Variants in ETFDH observed in about 807,000 individuals in gnomAD.
The protein encoded by ETFDH is electron transfer flavoprotein dehydrogenase, also known as electron transfer flavoprotein-ubiquinone oxidoreductase, mitochondrial.
Under a neutral mutation model 73.2 loss-of-function variants are expected in ETFDH, and 61 were observed. The ratio of observed to expected loss-of-function variants is 0.83; its 90% CI spans 0.68 to 1.03. ETFDH has a LOEUF of 1.03. Ranked by LOEUF, ETFDH falls within the 50% of genes least tolerant of loss-of-function variation. The pLI is 0.00. For synonymous variants in ETFDH, 243 were observed against 253.3 expected, an observed-to-expected ratio of 0.96 and a Z score of 0.39; for missense variants, 685 against 745.0, an observed-to-expected ratio of 0.92 and a Z score of 0.94.
chr4:158,705,440 T>C (rs1228810332), intron 10 of ETFDH, among the ~76,000 whole-genome samples: 1 of 152,216 alleles, frequency 6.6e-6, no homozygotes, highest in African/African-American at 2.4e-5. Context: ...TCTTAACTAA[T>C]TATATCTACA....
intron 5 of ETFDH, among the ~76,000 whole-genome samples, chr4:158,689,786 C>T (rs1774115861): frequency 6.6e-6 from 1 of 151,544 alleles, no homozygotes; most frequent in Non-Finnish European, 1.5e-5. Context: ...AAAACAGAAA[C>T]CAAGGGTTAC....
At chr4:158,707,185 G>C (rs903202556) in intron 12 of ETFDH, among the ~76,000 whole-genome samples, 3 of 152,166 alleles carry the variant, frequency 2.0e-5, no homozygotes, top group Non-Finnish European at 2.9e-5. Flanking sequence ...GCATGTACTA[G>C]AACAGCACAT....
At position 158,703,976 on chromosome 4, in the gene ETFDH, G is replaced by A. The variant is rs568251124; in HGVS notation, c.1285+385G>A. Among the ~76,000 whole-genome samples the A allele has an allele frequency of 2.6e-3, 398 of 152,312 alleles. 2 individuals carry two copies. The highest frequency in any genetic ancestry group is 9.1e-3 in the African/African-American group (380 of 41,552). ...TAGCTGTGTGTGGTGGCGGGTGCCT[G>A]TAATCCCAGCTACTTGGGAGGCTGA... On this transcript the variant is annotated intron_variant, in intron 10 of 12. Transcript: ENST00000511912.
At chr4:158,689,099 A>G (rs1774089588) in intron 5 of ETFDH, among the ~76,000 whole-genome samples, 1 of 152,192 alleles carries the variant, frequency 6.6e-6, no homozygotes, top group South Asian at 2.1e-4. Flanking sequence ...TCAGAGAGAC[A>G]AATAAAGGAT....
intron 1 of ETFDH, chr4:158,679,650 A>C (rs1227183031): frequency 6.6e-6 from 1 of 152,198 alleles, no homozygotes; most frequent in African/African-American, 2.4e-5. Context: ...GAAGAGGTGG[A>C]GTTGAAGGTT....
At chr4:158,694,168 T>C (rs1187019294) in intron 6 of ETFDH, among the ~76,000 whole-genome samples, 1 of 152,226 alleles carries the variant, frequency 6.6e-6, no homozygotes, top group Non-Finnish European at 1.5e-5. Flanking sequence ...AAGGAACGTA[T>C]ATTTTTTTCA....
intron 1 of ETFDH, among the ~76,000 whole-genome samples, chr4:158,676,569 A>T (rs1773716635): frequency 6.6e-6 from 1 of 152,202 alleles, no homozygotes; most frequent in Non-Finnish European, 1.5e-5. Context: ...CTTTGTTTCA[A>T]AATTAAACTA....
At chr4:158,677,192 C>T (rs1289435550) in intron 1 of ETFDH, among the ~76,000 whole-genome samples, 1 of 152,152 alleles carries the variant, frequency 6.6e-6, no homozygotes, top group African/African-American at 2.4e-5. Context: ...TAATTCTGAG[C>T]CAAATGTGAG....
Position 158,708,595 on chromosome 4 carries a change from T to G in ETFDH, c.*68T>G. On this transcript the variant is annotated 3_prime_UTR_variant, in exon 13 of 13. Coordinates refer to ENST00000511912, the MANE Select transcript of ETFDH (RefSeq NM_004453.4). Reference sequence around the variant, plus strand: ...TAAAATGTTTAGAGATTAACAGATTTCAGAATGTCTTTCTGCATATTACTG... The same window carrying G: ...TAAAATGTTTAGAGATTAACAGATTGCAGAATGTCTTTCTGCATATTACTG... 3 of 1,293,244 alleles carry G rather than the reference T, an allele frequency of 2.3e-6. No homozygotes were observed. Among genetic ancestry groups the G allele is most frequent in the Non-Finnish European group, 3.4e-6 (3 of 889,640 alleles). The allele number at this position is 1,293,244 out of a possible 1,614,324, so 80.1% of individuals were successfully genotyped here. A position where few individuals can be genotyped will look rare whatever the true frequency, so the allele number is the denominator to read the frequency against.
intron 9 of ETFDH, among the ~76,000 whole-genome samples, chr4:158,702,357 ATTC>A (rs1168596708): frequency 6.6e-6 from 1 of 152,140 alleles, no homozygotes; most frequent in African/African-American, 2.4e-5. Flanking sequence ...ATAACAAATT[ATTC>A]TTTATTATAG....
At chr4:158,693,612 G>C (rs2150310338) in intron 6 of ETFDH, among the ~76,000 whole-genome samples, 1 of 152,234 alleles carries the variant, frequency 6.6e-6, no homozygotes, top group South Asian at 2.1e-4. Context: ...CGGTTTGCTG[G>C]TTGTTTCTTT....
intron 9 of ETFDH, among the ~76,000 whole-genome samples, chr4:158,701,153 A>G (rs1028082730): frequency 6.6e-6 from 1 of 152,102 alleles, no homozygotes; most frequent in East Asian, 1.9e-4. Flanking sequence ...AAAAACATAC[A>G]TTTTCCTTGG....
intron 7 of ETFDH, among the ~76,000 whole-genome samples, chr4:158,696,798 A>T (rs1447519170): frequency 6.6e-6 from 1 of 152,330 alleles, no homozygotes; most frequent in African/African-American, 2.4e-5. Flanking sequence ...CATGTCCATT[A>T]TGAAGAGACC....
Position 158,695,868 on chromosome 4 carries a change from G to A in ETFDH, c.831+225G>A, listed in dbSNP as rs560677881. 2.4e-4 allele frequency among the ~76,000 whole-genome samples: 36 copies of A among 152,258 alleles called. No individual in the cohort carries two copies. In the South Asian group the frequency reaches 3.1e-3, roughly 13 times the overall value. ...GTTAGTTTTACATGTTGGAATTGTC[G>A]TATCAAGTGTTGCTTGAAGTGAATC... On this transcript the variant is annotated intron_variant, in intron 7 of 12. Transcript: ENST00000511912.
intron 2 of ETFDH, 76 bp from the exon 3 acceptor site, chr4:158,682,119 G>T: frequency 1.3e-6 from 2 of 1,598,912 alleles, no homozygotes; most frequent in Admixed American, 1.7e-5. Context: ...AAGCACAGTG[G>T]ATATTTTTTA....
chr4:158,677,754 C>T (rs1773745688), intron 1 of ETFDH, among the ~76,000 whole-genome samples: 1 of 152,152 alleles, frequency 6.6e-6, no homozygotes, highest in Non-Finnish European at 1.5e-5. Context: ...TATGTCTAAA[C>T]TCCAAAAGGG....
chr4:158,701,535 C>T (rs1216657483), intron 9 of ETFDH, among the ~76,000 whole-genome samples: 1 of 152,132 alleles, frequency 6.6e-6, no homozygotes, highest in Non-Finnish European at 1.5e-5. Flanking sequence ...TTCCTTCTGC[C>T]CCCTAGTTTT....
intron 6 of ETFDH, among the ~76,000 whole-genome samples, chr4:158,691,249 T>C (rs755719031): frequency 6.6e-6 from 1 of 152,232 alleles, no homozygotes; most frequent in Non-Finnish European, 1.5e-5. Flanking sequence ...TTCTCCACAA[T>C]TTTCATTTCT....
Position 158,685,117 on chromosome 4 carries a change from T to C in ETFDH, c.504T>C (p.Asn168=), listed in dbSNP as rs1773969287. The change falls in exon 5 of 13, where the codon AAT becomes AAC. Residue 168 remains asparagine, a synonymous_variant. Transcript: ENST00000511912. ...TATTTATAGGGCTTCCAATGAATAA[T>C]CATGGCAATTACATTGTACGCTTGG... The part of the protein sequence containing the change: ...VPILPGLPMN[N]HGNYIVRLGH... 2 of 1,602,058 alleles carry C rather than the reference T, an allele frequency of 1.2e-6. No homozygotes were observed. The highest frequency in any genetic ancestry group is 1.7e-6 in the Non-Finnish European group (2 of 1,169,350).
Sources: allele counts gnomAD v4.1 joint callset (sites outside exome capture counted in the v4.1 genomes callset), GRCh38; gene constraint gnomAD v4.1.1; transcripts MANE v1.5; gene names NCBI Gene and HGNC (gene_info 2026-07-23, HGNC 2026-07-21).